The following KEL variants were observed in gnomAD, a reference collection of about 807,000 sequenced individuals.
KEL encodes the protein Kell metallo-endopeptidase (Kell blood group), also known as kell blood group glycoprotein.
Under a neutral mutation model 99.5 loss-of-function variants are expected in KEL, and 96 were observed. The ratio of observed to expected loss-of-function variants is 0.97; its 90% CI spans 0.82 to 1.14. The LOEUF (loss-of-function observed/expected upper bound fraction) is 1.14. Among genes scored for constraint, KEL ranks in the 50% most tolerant of loss-of-function variants. The probability of loss-of-function intolerance (pLI) is 0.00; values close to 1 mark genes in which losing one functional copy is unlikely to be tolerated. For missense variants in KEL, 926 were observed against 924.2 expected (o/e 1.00, Z -0.03); for synonymous variants, 355 against 354.8 (o/e 1.00, Z -0.01).
chr7:142,955,796 C>T (rs1343388315), intron 6 of KEL, among the ~76,000 whole-genome samples: 1 of 152,172 alleles, frequency 6.6e-6, no homozygotes, highest in Non-Finnish European at 1.5e-5. Flanking sequence ...GTTCAAAGAA[C>T]AAAAAAGCAT....
chr7:142,958,052 C>T, intron 5 of KEL, 79 bp from the exon 6 acceptor site: 1 of 1,528,322 alleles, frequency 6.5e-7, no homozygotes, highest in Non-Finnish European at 8.9e-7. Flanking sequence ...TCTTACACAG[C>T]TGCTACTGCC....
rs1796747871 is a variant in KEL at position 142,953,741 on chromosome 7, C to T, written c.1073+67G>A. 10 of 1,590,558 alleles carry T rather than the reference C, an allele frequency of 6.3e-6. No individual in the cohort carries two copies. The South Asian group carries it at 7.7e-5, about 12-fold the overall frequency. ...TGCCTTCCCCAAGGTTTCCTTTGCC[C>T]CCAAGATCTACGGTGCTCAGGCTCT... is the stretch of plus-strand genomic sequence containing the variant. On this transcript the variant is annotated intron_variant, in intron 9 of 18. Transcript: ENST00000355265.
intron 14 of KEL, 83 bp downstream of exon 14, chr7:142,943,700 G>A: frequency 6.8e-7 from 1 of 1,463,234 alleles, no homozygotes; most frequent in Non-Finnish European, 9.6e-7. Flanking sequence ...CATGCTGCCT[G>A]CCCTGAGCCC....
intron 6 of KEL, among the ~76,000 whole-genome samples, chr7:142,956,141 C>T (rs1796825036): frequency 6.6e-6 from 1 of 152,220 alleles, no homozygotes; most frequent in East Asian, 1.9e-4. Context: ...TCCTCCCACT[C>T]ACACTAAATC....
Position 142,954,331 on chromosome 7 carries a change from G to A in KEL, c.777C>T (p.Thr259=), listed in dbSNP as rs1796772179. 1 of 1,614,064 alleles carries A rather than the reference G, an allele frequency of 6.2e-7. No individual in the cohort carries two copies. Among genetic ancestry groups the A allele is most frequent in the Non-Finnish European group, 8.5e-7 (1 of 1,180,048 alleles). ...EYLTYLNQLG[T]LLGGDPSKVQ... is the part of the protein sequence containing the mutation. ...CCTTGCTTGGGTCTCCTCCCAGCAA[G>A]GTTCCCAGCTGATTCAGGTAAGTCA... is the stretch of plus-strand genomic sequence containing the variant. The change falls in exon 8 of 19, where the codon ACC becomes ACT. Residue 259 remains threonine (T), a synonymous_variant. Transcript: ENST00000355265.
chr7:142,958,459 A>G (rs1562964471), intron 4 of KEL, 31 bp from the exon 5 acceptor site: 1 of 1,611,160 alleles, frequency 6.2e-7, no homozygotes, highest in Non-Finnish European at 8.5e-7. Context: ...TGAGGACTAA[A>G]CTCTGATTTT....
At chr7:142,941,439 G>T (rs762060292) in intron 18 of KEL, 26 bp from the exon 19 acceptor site, 7 of 1,562,426 alleles carry the variant, frequency 4.5e-6, no homozygotes, top group East Asian at 4.5e-5. Flanking sequence ...GGTCATTGAA[G>T]GGGGAGGGTC....
chr7:142,958,228 A>G (rs1253179395), intron 5 of KEL, 76 bp downstream of exon 5: 4 of 1,610,736 alleles, frequency 2.5e-6, no homozygotes, highest in Admixed American at 3.3e-5. Context: ...CTCTAGAAAA[A>G]AAAATGGCAG....
chr7:142,943,691 A>G, intron 14 of KEL, 92 bp downstream of exon 14: 5 of 1,453,624 alleles, frequency 3.4e-6, no homozygotes, highest in South Asian at 2.3e-5. Context: ...ATTACTGTTC[A>G]TGCTGCCTGC....
At position 142,954,526 on chromosome 7, in the gene KEL, A is replaced by G. The variant is rs757079059; in HGVS notation, c.674T>C (p.Ile225Thr). The change falls in exon 7 of 19, where the codon ATA becomes ACA. Residue 225 changes from isoleucine (I) to threonine (T), a missense_variant and splice_region_variant. Physicochemically the swap from Ile to Thr is moderately conservative, Grantham distance 89. Transcript: ENST00000355265. ...GGGAACATCAAACTCTGGCTGGTCT[A>G]TCTGGGCACAAGAGAGACTGGAGAG... ...PASPHTPVIQ[I>T]DQPEFDVPLK... 1.2e-6 allele frequency: 2 copies of G among 1,613,970 alleles called. No homozygotes were observed. The highest frequency in any genetic ancestry group is 2.2e-5 in the South Asian group (2 of 91,068).
rs370917757 is a variant in KEL, at chr7:142,943,582, G to A, written c.1607C>T (p.Pro536Leu). ...PHPQHRWKVS[P>L]WDVNAYYSVS... is the part of the protein sequence containing the mutation. ...CGAATAGTAAGCATTGACGTCCCAA[G>A]GGGACACCTTCCACCTGTGGGAAGA... The change falls in exon 15 of 19, where the codon CCT (proline) becomes CTT (leucine). Residue 536 changes from proline (P) to leucine (L), a missense_variant. Coordinates refer to ENST00000355265, the MANE Select transcript of KEL (RefSeq NM_000420.3). The A allele has an allele frequency of 3.7e-6, 6 of 1,613,440 alleles. No homozygotes were observed. In the African/African-American group the frequency reaches 8.0e-5, roughly 22 times the overall value.
chr7:142,948,249 T>G (rs1375712765), intron 10 of KEL, among the ~76,000 whole-genome samples: 2 of 151,848 alleles, frequency 1.3e-5, no homozygotes, highest in Admixed American at 6.6e-5. Context: ...CCACATTGAC[T>G]GCAAAGGGAG....
At chr7:142,944,200 A>C in intron 13 of KEL, 123 bp downstream of exon 13, 1 of 834,556 alleles carries the variant, frequency 1.2e-6, no homozygotes, top group Non-Finnish European at 2.1e-6. Flanking sequence ...CCCAGCCAGC[A>C]CCAGAGTAAG....
intron 18 of KEL, 150 bp downstream of exon 18, chr7:142,942,284 A>T: frequency 1.5e-6 from 1 of 658,594 alleles, no homozygotes; most frequent in East Asian, 2.7e-5. Flanking sequence ...AGGGGTAGGG[A>T]GGGAAGAGAA....
intron 10 of KEL, among the ~76,000 whole-genome samples, chr7:142,951,349 G>T (rs1028463867): frequency 1.3e-5 from 2 of 152,140 alleles, no homozygotes; most frequent in Non-Finnish European, 2.9e-5. Flanking sequence ...ATAACTTGGG[G>T]CTCTGGTCTG....
chr7:142,961,821 C>T lies in KEL; in HGVS notation c.55G>A (p.Gly19Arg), dbSNP rs1382912260. 5 of 1,614,006 alleles carry T rather than the reference C, an allele frequency of 3.1e-6. No individual in the cohort carries two copies. The African/African-American group carries it at 6.7e-5, about 22-fold the overall frequency. ...EEPRERSQAG[G>R]MGTLWSQEST... Reference sequence around the variant, plus strand: ...TCTTGGCTCCAGAGAGTTCCCATTCCACCTGCCTGGCTGCGTTCCCTCGGC... The same window carrying T: ...TCTTGGCTCCAGAGAGTTCCCATTCTACCTGCCTGGCTGCGTTCCCTCGGC... The change falls in exon 2 of 19, where the codon GGA becomes AGA. Residue 19 changes from glycine to arginine, a missense_variant. Transcript: ENST00000355265.
rs1296963021 is a variant in KEL at position 142,953,675 on chromosome 7, T to C, written c.1073+133A>G. Reference sequence around the variant, plus strand: ...CCCCACGCTTCTCTGCCCGCACAGGTGGCAGGTTCCTCTTATCCTCCTGGG... The same window carrying C: ...CCCCACGCTTCTCTGCCCGCACAGGCGGCAGGTTCCTCTTATCCTCCTGGG... On this transcript the variant is annotated intron_variant, in intron 9 of 18. Coordinates refer to ENST00000355265, the MANE Select transcript of KEL (RefSeq NM_000420.3). The C allele has an allele frequency of 1.8e-5, 19 of 1,040,750 alleles. No homozygotes were observed. The East Asian group carries it at 4.5e-4, about 25-fold the overall frequency. 64.5% of individuals were successfully genotyped at this position (1,040,750 alleles called of 1,614,324 possible).
At chr7:142,961,272 G>A in intron 3 of KEL, 88 bp downstream of exon 3, 1 of 1,585,362 alleles carries the variant, frequency 6.3e-7, no homozygotes, top group Non-Finnish European at 8.7e-7. Context: ...GGGTCAGGGT[G>A]GGCAGAAGCC....
chr7:142,944,400 C>T lies in KEL; in HGVS notation c.1414G>A (p.Val472Ile). 6.2e-7 allele frequency: 1 copy of T among 1,612,164 alleles called. No homozygotes were observed. The highest frequency in any genetic ancestry group is 1.3e-5 in the African/African-American group (1 of 75,006). Residue 472 changes from valine (V) to isoleucine (I), a missense_variant and splice_region_variant, in exon 13 of 19, where the codon GTT (valine) becomes ATT (isoleucine). Val to Ile is a conservative substitution (Grantham distance 29). Coordinates refer to ENST00000355265, the MANE Select transcript of KEL (RefSeq NM_000420.3). ...CCCATCTCCACCTGCAGTTGAGCAA[C>T]CTGGAGAGAGACACAGAAGAGGCTA... is the stretch of plus-strand genomic sequence containing the variant. ...EETQNMAQDK[V>I]AQLQVEMGAS...
Sources: allele counts gnomAD v4.1 joint callset (sites outside exome capture counted in the v4.1 genomes callset), GRCh38; gene constraint gnomAD v4.1.1; transcripts MANE v1.5; gene names NCBI Gene and HGNC (gene_info 2026-07-23, HGNC 2026-07-21).